AFF3: variants seen among roughly 807,000 people sequenced by gnomAD.
AFF3 encodes ALF transcription elongation factor 3.
A neutral mutation model predicts 129.7 loss-of-function variants in AFF3; 32 were observed. That is an observed-to-expected ratio of 0.25 (90% CI 0.19 to 0.33). The LOEUF (loss-of-function observed/expected upper bound fraction) is 0.33. Among genes scored for constraint, AFF3 ranks in the 10% least tolerant of loss-of-function variants. AFF3 has a pLI of 1.00. For synonymous variants in AFF3, 644 were observed against 635.4 expected (o/e 1.01, Z -0.20); for missense variants, 1,373 against 1,592.0 (o/e 0.86, Z 2.34).
At chr2:99,904,409 G>C (rs1013503330) in intron 7 of AFF3, among the ~76,000 whole-genome samples, 8 of 141,114 alleles carry the variant, frequency 5.7e-5, no homozygotes, top group Admixed American at 2.1e-4. Flanking sequence ...TTAGAGTTCG[G>C]AAAAAAAAAA....
chr2:99,972,915 T>C (rs1449517082), intron 7 of AFF3, among the ~76,000 whole-genome samples: 2 of 152,196 alleles, frequency 1.3e-5, no homozygotes, highest in African/African-American at 4.8e-5. Context: ...GCTTTCTTTA[T>C]TCCTTTGTTA....
At chr2:99,675,294 G>A (rs1472525331) in intron 11 of AFF3, among the ~76,000 whole-genome samples, 2 of 152,178 alleles carry the variant, frequency 1.3e-5, no homozygotes, top group Non-Finnish European at 2.9e-5. Context: ...ATGAGAAAGT[G>A]GCCATGGAAA....
intron 11 of AFF3, among the ~76,000 whole-genome samples, chr2:99,714,601 C>G (rs1432384655): frequency 6.6e-6 from 1 of 152,110 alleles, no homozygotes; most frequent in Non-Finnish European, 1.5e-5. Context: ...ACATATATTG[C>G]TAGAGCCAAA....
chr2:99,671,548 C>T (rs1175137122), intron 12 of AFF3, among the ~76,000 whole-genome samples: 1 of 147,148 alleles, frequency 6.8e-6, no homozygotes, highest in African/African-American at 2.4e-5. Flanking sequence ...TTAACCTCTG[C>T]TTGTTCTCTC....
At chr2:100,019,765 C>A (rs539495264) in intron 4 of AFF3, among the ~76,000 whole-genome samples, 23 of 152,096 alleles carry the variant, frequency 1.5e-4, no homozygotes, top group Non-Finnish European at 2.8e-4. Context: ...TGGTCAGATG[C>A]GCCTCAATTT....
intron 7 of AFF3, among the ~76,000 whole-genome samples, chr2:99,999,706 T>C (rs1163984434): frequency 1.3e-5 from 2 of 152,222 alleles, no homozygotes; most frequent in African/African-American, 4.8e-5. Context: ...CTAAGCACTG[T>C]AAGTACTAAC....
intron 7 of AFF3, among the ~76,000 whole-genome samples, chr2:99,907,239 A>C (rs1470123649): frequency 1.3e-5 from 2 of 152,200 alleles, no homozygotes; most frequent in African/African-American, 4.8e-5. Flanking sequence ...CATGTCATTG[A>C]TAAAAAGATG....
intron 4 of AFF3, among the ~76,000 whole-genome samples, chr2:100,056,054 GTCTC>G (rs57491016): frequency 6.0e-4 from 81 of 135,660 alleles, no homozygotes; most frequent in Middle Eastern, 3.9e-3. Context: ...AAAAATCGCT[GTCTC>G]TCTCTCACAC....
At chr2:99,604,107 C>T (rs1680101126) in intron 13 of AFF3, among the ~76,000 whole-genome samples, 1 of 152,166 alleles carries the variant, frequency 6.6e-6, no homozygotes, top group South Asian at 2.1e-4. Context: ...CTCAACCCAG[C>T]AATCCCATTA....
chr2:99,556,003 AG>A (rs1559471659), intron 22 of AFF3, among the ~76,000 whole-genome samples: 1 of 152,192 alleles, frequency 6.6e-6, no homozygotes, highest in East Asian at 1.9e-4. Context: ...ACCTTTCTCA[AG>A]CTGGTGCTAC....
chr2:100,027,307 T>C (rs776193305), intron 4 of AFF3, among the ~76,000 whole-genome samples: 5 of 152,202 alleles, frequency 3.3e-5, no homozygotes, highest in Non-Finnish European at 5.9e-5. Context: ...CTCTGATAAA[T>C]AAGCTGCATT....
intron 8 of AFF3, among the ~76,000 whole-genome samples, chr2:99,815,170 G>T (rs1687124287): frequency 6.6e-6 from 1 of 152,076 alleles, no homozygotes; most frequent in South Asian, 2.1e-4. Context: ...GAGACAATGA[G>T]AAGAAAAATA....
chr2:99,898,334 A>G (rs1355932822), intron 7 of AFF3, among the ~76,000 whole-genome samples: 3 of 152,138 alleles, frequency 2.0e-5, no homozygotes, highest in Admixed American at 6.5e-5. Flanking sequence ...CCATCACTCA[A>G]GTCATAGAGG....
chr2:99,778,972 T>C (rs1426710742), intron 8 of AFF3, among the ~76,000 whole-genome samples: 1 of 151,474 alleles, frequency 6.6e-6, no homozygotes, highest in African/African-American at 2.4e-5. Flanking sequence ...TGGAAGATAA[T>C]GTTATCTGTG....
intron 1 of AFF3, among the ~76,000 whole-genome samples, chr2:100,133,606 C>G (rs915648810): frequency 3.3e-5 from 5 of 152,116 alleles, no homozygotes; most frequent in Non-Finnish European, 7.4e-5. Flanking sequence ...GTGCCTGGCT[C>G]TCATGTACTA....
intron 2 of AFF3, among the ~76,000 whole-genome samples, chr2:100,114,766 C>T (rs977796913): frequency 6.6e-6 from 1 of 152,224 alleles, no homozygotes; most frequent in African/African-American, 2.4e-5. Flanking sequence ...GTCACAAGGA[C>T]TAGATGAGCA....
At chr2:99,650,796 ATGTGTG>A (rs142082185) in intron 12 of AFF3, among the ~76,000 whole-genome samples, 135 of 144,816 alleles carry the variant, frequency 9.3e-4, no homozygotes, top group South Asian at 3.4e-3. Flanking sequence ...ACTAAAATTA[ATGTGTG>A]TGTGTGTGTG....
At chr2:99,938,274 C>T (rs1452914381) in intron 7 of AFF3, among the ~76,000 whole-genome samples, 2 of 152,168 alleles carry the variant, frequency 1.3e-5, no homozygotes, top group African/African-American at 2.4e-5. Context: ...CCAAGTTAGA[C>T]TAGCTATGGA....
intron 7 of AFF3, among the ~76,000 whole-genome samples, chr2:99,873,211 T>C (rs1026632424): frequency 3.3e-5 from 5 of 152,240 alleles, no homozygotes; most frequent in Admixed American, 3.3e-4. Flanking sequence ...GTTTGTTACT[T>C]CATCAAGGAC....
Sources: gnomAD v4.1 joint callset for allele counts (sites outside exome capture counted in the v4.1 genomes callset) on GRCh38, gnomAD v4.1.1 for gene constraint, MANE v1.5 for transcripts, NCBI Gene and HGNC (gene_info 2026-07-23, HGNC 2026-07-21) for gene names.